FOXJ3: variants seen among roughly 807,000 people sequenced by gnomAD.
The protein encoded by FOXJ3 is forkhead box protein J3.
In FOXJ3, 22 loss-of-function variants were observed where a neutral mutation model predicts 76.1. The observed-to-expected ratio is 0.29, with a 90% CI of 0.21 to 0.41. The LOEUF is 0.41. Among genes scored for constraint, FOXJ3 ranks in the 10% least tolerant of loss-of-function variants. FOXJ3 has a pLI of 1.00. For synonymous variants in FOXJ3, 269 were observed against 261.2 expected (o/e 1.03, Z -0.29); for missense variants, 613 against 762.1 (o/e 0.80, Z 2.30).
At chr1:42,192,633 G>C (rs1034961003) in intron 8 of FOXJ3, among the ~76,000 whole-genome samples, 2 of 152,048 alleles carry the variant, frequency 1.3e-5, no homozygotes, top group African/African-American at 4.8e-5. Context: ...GATAATTTAT[G>C]TTTGTTCTCC....
Position 42,278,448 on chromosome 1 carries a change from G to A in FOXJ3, c.269C>T (p.Ala90Val). The change falls in exon 3 of 13, where the codon GCA becomes GTA. Residue 90 changes from alanine (A) to valine (V), a missense_variant. Coordinates refer to ENST00000361346, the MANE Select transcript of FOXJ3 (RefSeq NM_014947.5). ...TTTCTTTTTGGGTGAGCTATTAATT[G>A]CAAATGTAATGAGGCTGGCATAACT... ...PYSYASLITF[A>V]INSSPKKKMT... is the part of the protein sequence containing the mutation. 6.2e-7 allele frequency: 1 copy of A among 1,613,798 alleles called. No individual in the cohort carries two copies. Among genetic ancestry groups the A allele is most frequent in the Non-Finnish European group, 8.5e-7 (1 of 1,179,682 alleles).
chr1:42,327,731 TA>T (rs1158125383), intron 1 of FOXJ3, among the ~76,000 whole-genome samples: 1 of 152,148 alleles, frequency 6.6e-6, no homozygotes, highest in African/African-American at 2.4e-5. Flanking sequence ...AGGTTTTTAA[TA>T]AGGTCACACT....
Position 42,188,877 on chromosome 1 carries a change from T to G in FOXJ3, c.1505A>C (p.Gln502Pro), listed in dbSNP as rs1646488581. ...QADLKNWSLD[Q>P]VQFADLCSSL... ...AGAACAAAGATCGGCAAACTGAACC[T>G]GGTCTAAAGACCAGTTCTTGAGATC... Residue 502 changes from glutamine to proline, a missense_variant, in exon 11 of 13, where the codon CAG (glutamine) becomes CCG (proline). Around this residue, in one of 3 missense-constraint regions of FOXJ3, gnomAD observed 526 missense variants for 601.4 expected, o/e 0.87. Coordinates refer to ENST00000361346, the MANE Select transcript of FOXJ3 (RefSeq NM_014947.5). 6.2e-7 allele frequency: 1 copy of G among 1,613,022 alleles called. No homozygotes were observed. Among genetic ancestry groups the G allele is most frequent in the Admixed American group, 1.7e-5 (1 of 59,886 alleles).
chr1:42,246,189 T>A (rs1327719060), intron 4 of FOXJ3, among the ~76,000 whole-genome samples: 7 of 152,150 alleles, frequency 4.6e-5, no homozygotes, highest in Non-Finnish European at 7.4e-5. Flanking sequence ...GACTTCTGCA[T>A]AGCAAAGTAA....
At chr1:42,283,976 T>C (rs1652889943) in intron 2 of FOXJ3, among the ~76,000 whole-genome samples, 1 of 152,204 alleles carries the variant, frequency 6.6e-6, no homozygotes. Flanking sequence ...GATCGTAAGA[T>C]GATCCTGAAC....
chr1:42,221,511 A>G (rs1034866154), intron 5 of FOXJ3, among the ~76,000 whole-genome samples: 1 of 152,130 alleles, frequency 6.6e-6, no homozygotes, highest in African/African-American at 2.4e-5. Flanking sequence ...GCTGGAGTAT[A>G]GTGGCACAAT....
chr1:42,335,519 A>C (rs1275387405), upstream of FOXJ3: 6 of 152,308 alleles, frequency 3.9e-5, no homozygotes, highest in African/African-American at 1.4e-4. Flanking sequence ...AGTTGAGGAC[A>C]GTAGGGATCG....
intron 4 of FOXJ3, among the ~76,000 whole-genome samples, chr1:42,241,044 C>T (rs931954805): frequency 2.6e-5 from 4 of 152,118 alleles, no homozygotes; most frequent in African/African-American, 9.7e-5. Context: ...GGGAAGGAGG[C>T]GAGGGAAGCA....
Position 42,311,028 on chromosome 1 carries a change from GAAAAA to G in FOXJ3, c.44+17_44+21del, listed in dbSNP as rs200511460. 1.7e-6 allele frequency: 2 copies of G among 1,203,448 alleles called. No individual in the cohort carries two copies. Among genetic ancestry groups the G allele is most frequent in the Non-Finnish European group, 2.3e-6 (2 of 886,780 alleles). The allele number at this position is 1,203,448 out of a possible 1,614,324, so 74.5% of individuals were successfully genotyped here. ...TTAAAATGTTATATGTTCTAATAAA[GAAAAA>G]AAAAAAGAGCACTCACCTTAATGAA... On this transcript the variant is annotated intron_variant, in intron 2 of 12. Transcript: ENST00000361346.
intron 5 of FOXJ3, among the ~76,000 whole-genome samples, chr1:42,212,970 A>C (rs1219985166): frequency 7.0e-6 from 1 of 142,180 alleles, no homozygotes; most frequent in African/African-American, 3.0e-5. Context: ...AAAAAAAAAA[A>C]ACAAAAAAAA....
intron 7 of FOXJ3, among the ~76,000 whole-genome samples, chr1:42,198,327 G>A (rs1031715068): frequency 1.3e-5 from 2 of 151,878 alleles, no homozygotes; most frequent in South Asian, 2.1e-4. Flanking sequence ...ATTCTGCTAC[G>A]TTTTTCTTTC....
At chr1:42,291,037 GAT>G (rs1653385167) in intron 2 of FOXJ3, among the ~76,000 whole-genome samples, 1 of 88,790 alleles carries the variant, frequency 1.1e-5, no homozygotes, top group East Asian at 3.2e-4. Flanking sequence ...TAGATAGATA[GAT>G]AGATAGATAG....
chr1:42,279,667 T>C (rs982143910), intron 2 of FOXJ3, among the ~76,000 whole-genome samples: 3 of 152,114 alleles, frequency 2.0e-5, no homozygotes, highest in East Asian at 1.9e-4. Context: ...ACACTTCACA[T>C]TGGAATTGTT....
chr1:42,314,209 T>C (rs888556346), intron 1 of FOXJ3, among the ~76,000 whole-genome samples: 3 of 152,192 alleles, frequency 2.0e-5, no homozygotes, highest in African/African-American at 7.2e-5. Context: ...GGTTAGTACA[T>C]AGAGCTAACT....
chr1:42,257,192 C>CTGCA (rs1398067391), intron 4 of FOXJ3, among the ~76,000 whole-genome samples: 1 of 152,180 alleles, frequency 6.6e-6, no homozygotes, highest in Non-Finnish European at 1.5e-5. Context: ...ACGGAAAAGA[C>CTGCA]TGCAGTGGCT....
At chr1:42,203,641 T>C (rs1377409761) in intron 6 of FOXJ3, among the ~76,000 whole-genome samples, 2 of 152,178 alleles carry the variant, frequency 1.3e-5, no homozygotes, top group Non-Finnish European at 2.9e-5. Flanking sequence ...AAACTTTGTG[T>C]CTGAGCCCTA....
At chr1:42,181,605 C>A (rs1221513867) in intron 12 of FOXJ3, among the ~76,000 whole-genome samples, 1 of 152,172 alleles carries the variant, frequency 6.6e-6, no homozygotes, top group Non-Finnish European at 1.5e-5. Flanking sequence ...TCCTACAGTC[C>A]AAACTCCAAC....
At chr1:42,213,139 T>C (rs888949877) in intron 5 of FOXJ3, among the ~76,000 whole-genome samples, 4 of 152,058 alleles carry the variant, frequency 2.6e-5, no homozygotes, top group Non-Finnish European at 5.9e-5. Flanking sequence ...AGTATAAATT[T>C]CACAGGGCTT....
At chr1:42,312,681 A>G (rs532588255) in intron 1 of FOXJ3, among the ~76,000 whole-genome samples, 1 of 152,404 alleles carries the variant, frequency 6.6e-6, no homozygotes, top group South Asian at 2.1e-4. Flanking sequence ...AGGTATGCAG[A>G]GTACTGACAA....
Sources: gnomAD v4.1 joint callset for allele counts (sites outside exome capture counted in the v4.1 genomes callset) on GRCh38, gnomAD v4.1.1 for gene constraint, gnomAD v4.1.1 regional missense constraint, MANE v1.5 for transcripts, NCBI Gene and HGNC (gene_info 2026-07-23, HGNC 2026-07-21) for gene names.